WDFY2: variants seen among roughly 807,000 people sequenced by gnomAD.
WDFY2 encodes WD repeat and FYVE domain-containing protein 2.
WDFY2 carries 36 observed loss-of-function variants against 56.4 expected under a neutral mutation model. The ratio of observed to expected loss-of-function variants is 0.64; its 90% CI spans 0.49 to 0.84. The LOEUF is 0.84. Among genes scored for constraint, WDFY2 ranks in the 40% least tolerant of loss-of-function variants. The pLI is 0.00. For synonymous variants in WDFY2, 176 were observed against 183.7 expected, an observed-to-expected ratio of 0.96 and a Z score of 0.34; for missense variants, 444 against 512.2, an observed-to-expected ratio of 0.87 and a Z score of 1.29.
chr13:51,691,622 A>C (rs1380452666), intron 3 of WDFY2, among the ~76,000 whole-genome samples: 1 of 152,002 alleles, frequency 6.6e-6, no homozygotes, highest in Non-Finnish European at 1.5e-5. Context: ...GTTTGGAGTC[A>C]GGTAGTGTGA....
intron 3 of WDFY2, among the ~76,000 whole-genome samples, chr13:51,692,410 T>C (rs1951760038): frequency 1.3e-5 from 2 of 152,230 alleles, no homozygotes; most frequent in Non-Finnish European, 2.9e-5. Flanking sequence ...TGAAGGGCTG[T>C]TGAATTTTGT....
chr13:51,612,969 C>G (rs537434477), intron 1 of WDFY2, among the ~76,000 whole-genome samples: 1 of 151,760 alleles, frequency 6.6e-6, no homozygotes, highest in Non-Finnish European at 1.5e-5. Context: ...GTGAAAGACA[C>G]TTTGGTGGGG....
chr13:51,637,635 G>GT (rs1555306639), intron 1 of WDFY2, among the ~76,000 whole-genome samples: 2 of 152,032 alleles, frequency 1.3e-5, no homozygotes, highest in Non-Finnish European at 2.9e-5. Flanking sequence ...GCAAAAGCAA[G>GT]TTTATTAAGA....
intron 4 of WDFY2, among the ~76,000 whole-genome samples, chr13:51,709,649 A>G (rs1952165051): frequency 1.3e-5 from 2 of 152,226 alleles, no homozygotes; most frequent in African/African-American, 4.8e-5. Flanking sequence ...AGAGAATACT[A>G]TCAACACCTC....
At chr13:51,741,378 G>T (rs1952969811) in intron 7 of WDFY2, among the ~76,000 whole-genome samples, 1 of 152,216 alleles carries the variant, frequency 6.6e-6, no homozygotes, top group East Asian at 1.9e-4. Context: ...CCGGGGAGGG[G>T]TTGCTCTGGT....
At chr13:51,608,582 G>A (rs1006238846) in intron 1 of WDFY2, among the ~76,000 whole-genome samples, 13 of 152,208 alleles carry the variant, frequency 8.5e-5, no homozygotes, top group African/African-American at 2.9e-4. Flanking sequence ...TTGGGTGGCT[G>A]AGGCAGGACA....
At chr13:51,607,159 C>T (rs576435187) in intron 1 of WDFY2, among the ~76,000 whole-genome samples, 2 of 152,300 alleles carry the variant, frequency 1.3e-5, no homozygotes, top group South Asian at 4.2e-4. Context: ...CAAAAATCTA[C>T]AGTTTTTCAC....
At chr13:51,662,852 G>A (rs776441316) in intron 2 of WDFY2, among the ~76,000 whole-genome samples, 4 of 152,076 alleles carry the variant, frequency 2.6e-5, no homozygotes, top group Non-Finnish European at 4.4e-5. Flanking sequence ...CTTTGCCTTC[G>A]GTGTTCTACT....
At chr13:51,720,369 A>G (rs1230224946) in intron 5 of WDFY2, among the ~76,000 whole-genome samples, 4 of 152,210 alleles carry the variant, frequency 2.6e-5, no homozygotes, top group African/African-American at 9.7e-5. Context: ...TAAAAGTAGC[A>G]AGTTGCCAAG....
At chr13:51,596,816 T>C (rs887385619) in intron 1 of WDFY2, among the ~76,000 whole-genome samples, 1 of 152,196 alleles carries the variant, frequency 6.6e-6, no homozygotes, top group African/African-American at 2.4e-5. Context: ...TTTAATTATT[T>C]ACAGGAAAAA....
chr13:51,754,152 A>G (rs930492674), intron 8 of WDFY2, among the ~76,000 whole-genome samples: 7 of 151,646 alleles, frequency 4.6e-5, no homozygotes, highest in African/African-American at 1.7e-4. Context: ...TCTATTTCCA[A>G]CTTTTGCCAT....
At chr13:51,702,951 A>G (rs948523778) in intron 3 of WDFY2, among the ~76,000 whole-genome samples, 1 of 152,230 alleles carries the variant, frequency 6.6e-6, no homozygotes, top group African/African-American at 2.4e-5. Context: ...GGGTGAAACA[A>G]CAGACACTTA....
At chr13:51,683,603 C>A (rs887532063) in intron 3 of WDFY2, among the ~76,000 whole-genome samples, 3 of 152,306 alleles carry the variant, frequency 2.0e-5, no homozygotes, top group East Asian at 3.9e-4. Flanking sequence ...AATCATCTGA[C>A]ATTTATTCTT....
intron 11 of WDFY2, among the ~76,000 whole-genome samples, chr13:51,759,218 A>G (rs1479994951): frequency 6.6e-6 from 1 of 152,216 alleles, no homozygotes; most frequent in Admixed American, 6.5e-5. Context: ...AAACTCTGGC[A>G]GCCTCAGGTC....
At chr13:51,700,893 G>C (rs1951970372) in intron 3 of WDFY2, among the ~76,000 whole-genome samples, 1 of 152,196 alleles carries the variant, frequency 6.6e-6, no homozygotes, top group Non-Finnish European at 1.5e-5. Flanking sequence ...CTTGAACCCA[G>C]GAGGCGGAGG....
intron 1 of WDFY2, among the ~76,000 whole-genome samples, chr13:51,633,232 GC>G (rs1429678313): frequency 6.6e-6 from 1 of 152,234 alleles, no homozygotes; most frequent in East Asian, 1.9e-4. Flanking sequence ...TCCAGCCTCT[GC>G]TCCAACCCTG....
intron 3 of WDFY2, among the ~76,000 whole-genome samples, chr13:51,692,892 G>A (rs1951775109): frequency 6.6e-6 from 1 of 152,088 alleles, no homozygotes; most frequent in South Asian, 2.1e-4. Context: ...GGTCTATTCA[G>A]AGATTCAACT....
At chr13:51,627,826 C>T (rs994090495) in intron 1 of WDFY2, among the ~76,000 whole-genome samples, 3 of 152,092 alleles carry the variant, frequency 2.0e-5, no homozygotes, top group Non-Finnish European at 4.4e-5. Flanking sequence ...GTGGGTCATC[C>T]CATTGTCTGC....
chr13:51,744,458 A>G (rs897581289), intron 7 of WDFY2, among the ~76,000 whole-genome samples: 2 of 152,200 alleles, frequency 1.3e-5, no homozygotes, highest in Non-Finnish European at 2.9e-5. Flanking sequence ...ACAAGGCCCC[A>G]TTCTTAGAAG....
Sources: allele counts gnomAD v4.1 joint callset (sites outside exome capture counted in the v4.1 genomes callset), GRCh38; gene constraint gnomAD v4.1.1; transcripts MANE v1.5; gene names NCBI Gene and HGNC (gene_info 2026-07-23, HGNC 2026-07-21).